NUBP1: variants seen among roughly 807,000 people sequenced by gnomAD.
NUBP1 encodes NUBP iron-sulfur cluster assembly factor 1, cytosolic.
Under a neutral mutation model 41.8 loss-of-function variants are expected in NUBP1, and 46 were observed. The observed-to-expected ratio is 1.10, with a 90% CI of 0.87 to 1.41. The LOEUF (loss-of-function observed/expected upper bound fraction) is 1.41. NUBP1 is among the 40% of genes most tolerant of loss of function. The probability of loss-of-function intolerance (pLI) is 0.00; values close to 1 mark genes in which losing one functional copy is unlikely to be tolerated. For synonymous variants in NUBP1, 189 were observed against 154.6 expected (o/e 1.22, Z -1.65); for missense variants, 494 against 414.0 (o/e 1.19, Z -1.68).
intron 3 of NUBP1, among the ~76,000 whole-genome samples, chr16:10,752,380 C>G (rs566519056): frequency 6.6e-6 from 1 of 152,292 alleles, no homozygotes; most frequent in Non-Finnish European, 1.5e-5. Context: ...TAAGATCACC[C>G]TTGAGGAGCT....
Position 10,768,300 on chromosome 16 carries a change from G to C in NUBP1, c.904+268G>C. The C allele has an allele frequency of 4.9e-6, 1 of 204,398 alleles. No individual in the cohort carries two copies. The highest frequency in any genetic ancestry group is 9.3e-6 in the Non-Finnish European group (1 of 107,314). The allele number at this position is 204,398 out of a possible 1,614,324, so 12.7% of individuals were successfully genotyped here. ...GGGATAAAGTAATTCATTTTTAAAA[G>C]TAACTGATAAAAAAAAAAAAGGCCA... is the stretch of plus-strand genomic sequence containing the variant. On this transcript the variant is annotated intron_variant, in intron 10 of 10. Coordinates refer to ENST00000283027, the MANE Select transcript of NUBP1 (RefSeq NM_002484.4). This position sits in a 1 kb window ranked among gnomAD's most constrained non-coding sequence, Gnocchi z 4.3.
chr16:10,757,806 A>AG lies in NUBP1; in HGVS notation c.452-67_452-66insG. 1 of 1,571,320 alleles carries AG rather than the reference A, an allele frequency of 6.4e-7. No individual in the cohort carries two copies. Among genetic ancestry groups the AG allele is most frequent in the Non-Finnish European group, 8.7e-7 (1 of 1,152,904 alleles). On this transcript the variant is annotated intron_variant, in intron 6 of 10. Coordinates refer to ENST00000283027, the MANE Select transcript of NUBP1 (RefSeq NM_002484.4). The surrounding 1 kb of genome is among the most constrained non-coding windows in gnomAD (Gnocchi z 4.1). ...AGCAAGACCCCATCCTTTAAAAAAA[A>AG]AAGAGGGAGTTGAAAGTACAGAAAA...
At chr16:10,752,539 C>G in intron 3 of NUBP1, 71 bp from the exon 4 acceptor site, 2 of 1,249,134 alleles carry the variant, frequency 1.6e-6, no homozygotes, top group Non-Finnish European at 2.3e-6. Flanking sequence ...ACCCCGCTCC[C>G]CTCCTAGTTG....
In NUBP1 at chr16:10,750,187, G is replaced by C. The variant is rs911245437; in HGVS notation, c.259-2423G>C. Among the ~76,000 whole-genome samples the C allele has an allele frequency of 5.3e-5, 8 of 152,290 alleles. No homozygotes were observed. In the East Asian group the frequency reaches 9.6e-4, roughly 18 times the overall value. On this transcript the variant is annotated intron_variant, in intron 3 of 10. Coordinates refer to ENST00000283027, the MANE Select transcript of NUBP1 (RefSeq NM_002484.4). ...CACTCCAGCCTGGGCAACAGAGTGA[G>C]ACTCTACCTCAAAAACAATGAATAA...
At chr16:10,760,800 C>T (rs1018212014) in intron 7 of NUBP1, 1 of 152,310 alleles carries the variant, frequency 6.6e-6, no homozygotes, top group African/African-American at 2.4e-5. Context: ...AAGTAAATAG[C>T]ACCTCGAACA....
At chr16:10,752,196 G>A (rs1900348811) in intron 3 of NUBP1, among the ~76,000 whole-genome samples, 1 of 152,218 alleles carries the variant, frequency 6.6e-6, no homozygotes, top group African/African-American at 2.4e-5. Context: ...TTGGTGAGGG[G>A]TGAGCAAAAG....
intron 2 of NUBP1, 66 bp downstream of exon 2, chr16:10,744,131 A>G (rs1470206680): frequency 3.9e-5 from 16 of 414,204 alleles, no homozygotes; most frequent in South Asian, 6.6e-5. Flanking sequence ...GGGGCGTGGG[A>G]GGGAGGGGGC....
At chr16:10,744,092 G>T in intron 2 of NUBP1, 27 bp downstream of exon 2, 1 of 1,328,862 alleles carries the variant, frequency 7.5e-7, no homozygotes, top group Non-Finnish European at 9.9e-7. Context: ...GCCTCAACAG[G>T]AACTTAGAGG....
At chr16:10,761,334 C>T in intron 7 of NUBP1, 30 bp from the exon 8 acceptor site, 2 of 1,599,042 alleles carry the variant, frequency 1.3e-6, no homozygotes, top group Non-Finnish European at 1.7e-6. Context: ...CACTTTGATG[C>T]TGGAATCACT....
In NUBP1 at chr16:10,767,846, C is replaced by G. The variant is rs1372571620; in HGVS notation, c.821-103C>G. 6.5e-6 allele frequency: 7 copies of G among 1,083,594 alleles called. No individual in the cohort carries two copies. Among genetic ancestry groups the G allele is most frequent in the Non-Finnish European group, 9.9e-6 (7 of 708,356 alleles). The allele number at this position is 1,083,594 out of a possible 1,614,324, so 67.1% of individuals were successfully genotyped here. On this transcript the variant is annotated intron_variant, in intron 9 of 10. Transcript: ENST00000283027. This position sits in a 1 kb window ranked among gnomAD's most constrained non-coding sequence, Gnocchi z 4.6. Reference sequence around the variant, plus strand: ...TTCTTCATTACGAGTGAAGCGGGCTCAAGATCTTCCCATTGTCACCAGCAC... The same window carrying G: ...TTCTTCATTACGAGTGAAGCGGGCTGAAGATCTTCCCATTGTCACCAGCAC...
Position 10,768,108 on chromosome 16 carries a change from G to C in NUBP1, c.904+76G>C. 20 of 1,395,804 alleles carry C rather than the reference G, an allele frequency of 1.4e-5. No homozygotes were observed. Among genetic ancestry groups the C allele is most frequent in the Non-Finnish European group, 2.0e-5 (20 of 989,878 alleles). 86.5% of individuals were successfully genotyped at this position (1,395,804 alleles called of 1,614,324 possible). A position where few individuals can be genotyped will look rare whatever the true frequency, so the allele number is the denominator to read the frequency against. ...ACATAAAGGAGCCAGGGGTGTGGAAGGACAGGTGGGTGGTGGGGTCTGTGA... is the reference window on the plus strand; with the variant it reads ...ACATAAAGGAGCCAGGGGTGTGGAACGACAGGTGGGTGGTGGGGTCTGTGA... On this transcript the variant is annotated intron_variant, in intron 10 of 10. Transcript: ENST00000283027. The surrounding 1 kb of genome is among the most constrained non-coding windows in gnomAD (Gnocchi z 4.3).
intron 2 of NUBP1, among the ~76,000 whole-genome samples, chr16:10,746,923 G>T (rs193133739): frequency 6.6e-6 from 1 of 152,132 alleles, no homozygotes; most frequent in Non-Finnish European, 1.5e-5. Context: ...GGAGACAAAC[G>T]TGTAAACCAA....
intron 2 of NUBP1, among the ~76,000 whole-genome samples, chr16:10,745,595 C>T (rs1008884198): frequency 1.3e-5 from 2 of 152,212 alleles, no homozygotes; most frequent in African/African-American, 4.8e-5. Context: ...CATCTGTGGC[C>T]TGTGCTCGAT....
chr16:10,744,721 A>AAAGCAGG (rs1899982406), intron 2 of NUBP1, among the ~76,000 whole-genome samples: 2 of 152,126 alleles, frequency 1.3e-5, no homozygotes, highest in African/African-American at 4.8e-5. Context: ...AGGACCTTAA[A>AAAGCAGG]AAGCAGGAGG....
chr16:10,766,792 C>T lies in NUBP1; in HGVS notation c.821-1157C>T, dbSNP rs1164292787. 1 of 397,062 alleles carries T rather than the reference C, an allele frequency of 2.5e-6. No individual in the cohort carries two copies. The highest frequency in any genetic ancestry group is 3.6e-5 in the East Asian group (1 of 28,066). The allele number at this position is 397,062 out of a possible 1,614,324, so 24.6% of individuals were successfully genotyped here. Reference sequence around the variant, plus strand: ...ATTACAGAGTTTTTGTGTTTAAATACCCTCTACTTGAGGTACGCCCTATAT... The same window carrying T: ...ATTACAGAGTTTTTGTGTTTAAATATCCTCTACTTGAGGTACGCCCTATAT... On this transcript the variant is annotated intron_variant, in intron 9 of 10. Transcript: ENST00000283027. This position sits in a 1 kb window ranked among gnomAD's most constrained non-coding sequence, Gnocchi z 4.8.
intron 3 of NUBP1, among the ~76,000 whole-genome samples, chr16:10,751,778 C>T (rs1176852051): frequency 1.3e-5 from 2 of 152,184 alleles, no homozygotes; most frequent in Non-Finnish European, 2.9e-5. Context: ...TTAGCCTAAA[C>T]CATCATTCAC....
In NUBP1 at chr16:10,767,516, G is replaced by A. The variant is rs960854874; in HGVS notation, c.821-433G>A. ...CATGCAAGTGTGCACATTTATATGCGCATAATCTTTCTGGAAAGACACCTA... is the reference window on the plus strand; with the variant it reads ...CATGCAAGTGTGCACATTTATATGCACATAATCTTTCTGGAAAGACACCTA... On this transcript the variant is annotated intron_variant, in intron 9 of 10. Transcript: ENST00000283027. The surrounding 1 kb of genome is among the most constrained non-coding windows in gnomAD (Gnocchi z 4.6). 1.3e-4 allele frequency: 58 copies of A among 436,506 alleles called. No individual in the cohort carries two copies. Among genetic ancestry groups the A allele is most frequent in the African/African-American group, 4.9e-4 (24 of 49,482 alleles). The allele number at this position is 436,506 out of a possible 1,614,324, so 27.0% of individuals were successfully genotyped here. A position where few individuals can be genotyped will look rare whatever the true frequency, so the allele number is the denominator to read the frequency against.
In NUBP1 at chr16:10,765,636, G is replaced by C. The variant is rs2030767850; in HGVS notation, c.821-2313G>C. Reference sequence around the variant, plus strand: ...CTTGGGGCTATTAGATCCTGATACGGCTTTTCTTCCAAAGAGCCAGCAACC... The same window carrying C: ...CTTGGGGCTATTAGATCCTGATACGCCTTTTCTTCCAAAGAGCCAGCAACC... On this transcript the variant is annotated intron_variant, in intron 9 of 10. Coordinates refer to ENST00000283027, the MANE Select transcript of NUBP1 (RefSeq NM_002484.4). The surrounding 1 kb of genome is among the most constrained non-coding windows in gnomAD (Gnocchi z 4.0). 6.6e-6 allele frequency among the ~76,000 whole-genome samples: 1 copy of C among 152,166 alleles called. No homozygotes were observed. Among genetic ancestry groups the C allele is most frequent in the Middle Eastern group, 3.2e-3 (1 of 316 alleles).
chr16:10,752,248 G>T (rs1900352036), intron 3 of NUBP1, among the ~76,000 whole-genome samples: 1 of 152,208 alleles, frequency 6.6e-6, no homozygotes, highest in Non-Finnish European at 1.5e-5. Context: ...TCTCTTGGCT[G>T]TTCCATCCAT....
Sources: gnomAD v4.1 joint callset for allele counts (sites outside exome capture counted in the v4.1 genomes callset) on GRCh38, gnomAD v4.1.1 for gene constraint, Gnocchi (gnomAD v3.1) non-coding constraint, MANE v1.5 for transcripts, NCBI Gene and HGNC (gene_info 2026-07-23, HGNC 2026-07-21) for gene names.